NAF1: variants seen among roughly 807,000 people sequenced by gnomAD.
NAF1 encodes the protein H/ACA ribonucleoprotein complex non-core subunit NAF1.
A neutral mutation model predicts 40.6 loss-of-function variants in NAF1; 11 were observed. The ratio of observed to expected loss-of-function variants is 0.27; its 90% CI spans 0.17 to 0.45. The LOEUF (loss-of-function observed/expected upper bound fraction) is 0.45, where lower values mean the gene tolerates loss of function less well. NAF1 is among the 20% of genes least tolerant of loss of function. The pLI, the probability that NAF1 is intolerant of heterozygous loss-of-function variation, is 1.00. For synonymous variants in NAF1, 260 were observed against 228.5 expected (o/e 1.14, Z -1.24); for missense variants, 607 against 611.1 (o/e 0.99, Z 0.07).
At chr4:163,146,006 A>C (rs1028863666) in intron 3 of NAF1, 142 bp from the exon 4 acceptor site, 3 of 514,818 alleles carry the variant, frequency 5.8e-6, no homozygotes, top group Non-Finnish European at 6.8e-6. Flanking sequence ...TCTCTTCAGT[A>C]AACAAAGTCT....
intron 2 of NAF1, among the ~76,000 whole-genome samples, chr4:163,153,424 CTG>C (rs1331951545): frequency 6.6e-6 from 1 of 152,216 alleles, no homozygotes; most frequent in Non-Finnish European, 1.5e-5. Flanking sequence ...AATCGACACT[CTG>C]TATCTAGCTG....
chr4:163,165,405 A>C (rs556800457), intron 1 of NAF1, among the ~76,000 whole-genome samples: 2 of 152,296 alleles, frequency 1.3e-5, no homozygotes, highest in South Asian at 4.1e-4. Context: ...ACGTATCCCC[A>C]AATCATCTAC....
At position 163,118,732 on chromosome 4, in the gene NAF1, G is replaced by A. The variant is rs140071648; in HGVS notation, c.115-8442C>T. Among the ~76,000 whole-genome samples, 460 of 152,098 alleles carry A rather than the reference G, an allele frequency of 3.0e-3. 1 individual carries two copies. Among genetic ancestry groups the A allele is most frequent in the African/African-American group, 1.0e-2 (414 of 41,488 alleles). On this transcript the variant is annotated intron_variant, in intron 2 of 2. Transcript: ENST00000509434. The stretch of plus-strand genomic sequence containing the variant: ...CGCACCATTGCACTCCAGGCTGGGC[G>A]ACAGAGAGAGACGCTGTCTCAAAAA...
chr4:163,148,847 G>T (rs1731582468), intron 2 of NAF1, among the ~76,000 whole-genome samples: 1 of 152,018 alleles, frequency 6.6e-6, no homozygotes, highest in South Asian at 2.1e-4. Context: ...TGTTAAATTG[G>T]TTAGTTAATT....
chr4:163,156,953 A>C (rs539834643), intron 2 of NAF1: 5 of 152,266 alleles, frequency 3.3e-5, no homozygotes, highest in African/African-American at 9.6e-5. Context: ...AAGAACAGCA[A>C]AAAGTTTTTC....
chr4:163,121,984 A>G (rs1730530931), downstream of NAF1, among the ~76,000 whole-genome samples: 1 of 152,256 alleles, frequency 6.6e-6, no homozygotes, highest in African/African-American at 2.4e-5. Flanking sequence ...GTTGTGTAAA[A>G]GAACTAGTAC....
At chr4:163,152,702 G>A (rs1164273625) in intron 2 of NAF1, among the ~76,000 whole-genome samples, 7 of 152,176 alleles carry the variant, frequency 4.6e-5, no homozygotes, top group Admixed American at 6.5e-5. Flanking sequence ...CACAGCCCTG[G>A]CTCACTCTCC....
At chr4:163,123,530 C>T (rs910377461), downstream of NAF1, among the ~76,000 whole-genome samples, 2 of 152,066 alleles carry the variant, frequency 1.3e-5, no homozygotes, top group Admixed American at 6.6e-5. Context: ...TACAGGCATG[C>T]GTAACCATGC....
intron 2 of NAF1, among the ~76,000 whole-genome samples, chr4:163,112,932 T>C (rs777633014): frequency 6.6e-6 from 1 of 152,196 alleles, no homozygotes; most frequent in Non-Finnish European, 1.5e-5. Flanking sequence ...CTTTTAGGTT[T>C]GGTAGTTATG....
At chr4:163,154,958 C>T (rs1408171471) in intron 2 of NAF1, among the ~76,000 whole-genome samples, 1 of 151,492 alleles carries the variant, frequency 6.6e-6, no homozygotes. Context: ...AACAGGAAGG[C>T]ACCCAAGAGA....
intron 4 of NAF1, among the ~76,000 whole-genome samples, chr4:163,141,361 T>G (rs79619496): frequency 0.031 from 4,734 of 152,176 alleles, 96 homozygotes; most frequent in Middle Eastern, 0.068. Flanking sequence ...CGAGATAATA[T>G]ATGTATATTA....
downstream of NAF1, among the ~76,000 whole-genome samples, chr4:163,124,772 A>T (rs1385998394): frequency 6.6e-6 from 1 of 152,224 alleles, no homozygotes; most frequent in Non-Finnish European, 1.5e-5. Context: ...TGTAGATAGT[A>T]AACATCCAGT....
At chr4:163,113,557 C>T (rs1730230630) in intron 2 of NAF1, among the ~76,000 whole-genome samples, 1 of 151,992 alleles carries the variant, frequency 6.6e-6, no homozygotes, top group African/African-American at 2.4e-5. Context: ...GATCAGACTT[C>T]AAGCTTGGTT....
intron 3 of NAF1, among the ~76,000 whole-genome samples, chr4:163,146,763 G>A (rs962156742): frequency 6.6e-6 from 1 of 152,122 alleles, no homozygotes; most frequent in African/African-American, 2.4e-5. Flanking sequence ...CCTGGGCAAC[G>A]TAGCAAGACC....
chr4:163,142,946 C>T (rs996471852), intron 4 of NAF1, among the ~76,000 whole-genome samples: 17 of 152,114 alleles, frequency 1.1e-4, no homozygotes, highest in African/African-American at 3.6e-4. Context: ...TTAGGGGATT[C>T]TGGAACTTCC....
intron 2 of NAF1, among the ~76,000 whole-genome samples, chr4:163,114,043 G>A (rs1730248946): frequency 6.6e-6 from 1 of 152,192 alleles, no homozygotes; most frequent in Admixed American, 6.5e-5. Context: ...TTTACCACAG[G>A]AATTAGAGCA....
At chr4:163,132,666 T>A (rs1730915593) in intron 7 of NAF1, among the ~76,000 whole-genome samples, 1 of 152,180 alleles carries the variant, frequency 6.6e-6, no homozygotes, top group Admixed American at 6.5e-5. Flanking sequence ...ACTGTCAATA[T>A]CCTGGCTGGG....
At position 163,140,230 on chromosome 4, in the gene NAF1, G is replaced by C; in HGVS notation, c.871C>G (p.Leu291Val). The C allele has an allele frequency of 6.3e-7, 1 of 1,589,912 alleles. No individual in the cohort carries two copies. The highest frequency in any genetic ancestry group is 8.5e-7 in the Non-Finnish European group (1 of 1,172,744). The change falls in exon 5 of 8, where the codon CTA (leucine) becomes GTA (valine). Residue 291 changes from leucine to valine, a missense_variant. Transcript: ENST00000274054. ...TGCCGGTAAAGTACTTACTGTTTTA[G>C]TTTTTCTGTGAATATATATTGAGTG... ...DFTQYIFTEK[L>V]KQDKGSDASW...
Position 163,129,062 on chromosome 4 carries a change from G to A in NAF1, c.1320C>T (p.Pro440=). ...DMHNFPLRPP[P]PPPPPPVNMG... ...TGTTTACAGGTGGGGGTGGTGGTGG[G>A]GGTGGAGGGCGGAGGGGAAAATTAT... The change falls in exon 8 of 8, where the codon CCC becomes CCT. Residue 440 remains proline, a synonymous_variant. Transcript: ENST00000274054. The A allele has an allele frequency of 6.5e-7, 1 of 1,537,204 alleles. No individual in the cohort carries two copies. The highest frequency in any genetic ancestry group is 8.8e-7 in the Non-Finnish European group (1 of 1,135,706).
Sources: gnomAD v4.1 joint callset for allele counts (sites outside exome capture counted in the v4.1 genomes callset) on GRCh38, gnomAD v4.1.1 for gene constraint, MANE v1.5 for transcripts, NCBI Gene and HGNC (gene_info 2026-07-23, HGNC 2026-07-21) for gene names.